CLTC: variants seen among roughly 807,000 people sequenced by gnomAD.
CLTC encodes clathrin heavy chain 1.
CLTC carries 16 observed loss-of-function variants against 195.8 expected under a neutral mutation model. The ratio of observed to expected loss-of-function variants is 0.08; its 90% CI spans 0.06 to 0.12. CLTC has a LOEUF of 0.12. Among genes scored for constraint, CLTC ranks in the 10% least tolerant of loss-of-function variants. The probability of loss-of-function intolerance (pLI) is 1.00; values close to 1 mark genes in which losing one functional copy is unlikely to be tolerated. For synonymous variants in CLTC, 667 were observed against 689.4 expected, an observed-to-expected ratio of 0.97 and a Z score of 0.51; for missense variants, 796 against 2,027.0, an observed-to-expected ratio of 0.39 and a Z score of 11.66.
intron 1 of CLTC, among the ~76,000 whole-genome samples, chr17:59,643,924 A>AG (rs1317889605): frequency 6.6e-6 from 1 of 152,178 alleles, no homozygotes; most frequent in Admixed American, 6.5e-5. Flanking sequence ...CTACATGTTA[A>AG]GGGGGGTGAG....
chr17:59,647,769 T>G (rs1420978525), intron 3 of CLTC, 103 bp downstream of exon 3: 5 of 1,032,484 alleles, frequency 4.8e-6, no homozygotes, highest in Admixed American at 2.4e-5. Flanking sequence ...TCAATCCTGT[T>G]GAATTTCACT....
rs372461487 is a variant in CLTC, at chr17:59,681,399, A to G, written c.3170A>G (p.Asn1057Ser). The change falls in exon 20 of 32, where the codon AAT (asparagine) becomes AGT (serine). Residue 1057 changes from asparagine to serine, a missense_variant. Asn to Ser is a conservative substitution (Grantham distance 46). Transcript: ENST00000269122. The surrounding 1 kb of genome is among the most constrained non-coding windows in gnomAD (Gnocchi z 5.0). The part of the protein sequence containing the change: ...LDNYDAPDIA[N>S]IAISNELFEE... ...AATTATGATGCCCCAGATATTGCCA[A>G]TATCGCCATCAGCAATGAGCTGTTT... is the stretch of plus-strand genomic sequence containing the variant. 8 of 1,614,016 alleles carry G rather than the reference A, an allele frequency of 5.0e-6. No homozygotes were observed. Among genetic ancestry groups the G allele is most frequent in the Non-Finnish European group, 5.1e-6 (6 of 1,180,014 alleles).
At chr17:59,674,946 G>A (rs1439974239) in intron 16 of CLTC, 103 bp downstream of exon 16, 9 of 1,182,608 alleles carry the variant, frequency 7.6e-6, no homozygotes, top group African/African-American at 1.6e-5. Flanking sequence ...AACACATGGA[G>A]AATAATTTCC....
At position 59,680,892 on chromosome 17, in the gene CLTC, G is replaced by A; in HGVS notation, c.2920-20G>A. Reference sequence around the variant, plus strand: ...AACCAACTTGATTCTCAGTACTTATGTCCCATATATCCTCTGTAGGTTGTA... The same window carrying A: ...AACCAACTTGATTCTCAGTACTTATATCCCATATATCCTCTGTAGGTTGTA... On this transcript the variant is annotated intron_variant, in intron 18 of 31. Coordinates refer to ENST00000269122, the MANE Select transcript of CLTC (RefSeq NM_004859.4). 1 of 1,561,944 alleles carries A rather than the reference G, an allele frequency of 6.4e-7. No individual in the cohort carries two copies.
At chr17:59,645,771 CGAG>C (rs2032176621) in intron 2 of CLTC, among the ~76,000 whole-genome samples, 1 of 152,058 alleles carries the variant, frequency 6.6e-6, no homozygotes, top group Non-Finnish European at 1.5e-5. Flanking sequence ...CATCTCATCT[CGAG>C]GAAAAATGGT....
chr17:59,628,401 G>T (rs1401997687), intron 1 of CLTC, among the ~76,000 whole-genome samples: 2 of 152,066 alleles, frequency 1.3e-5, no homozygotes, highest in East Asian at 3.8e-4. Context: ...ACCCCTTACA[G>T]GCACTCGAAT....
intron 31 of CLTC, among the ~76,000 whole-genome samples, chr17:59,693,109 A>G (rs945480692): frequency 3.9e-5 from 6 of 152,168 alleles, no homozygotes; most frequent in Admixed American, 1.3e-4. Context: ...GCTCACACCT[A>G]TAATCCCAGC....
At position 59,694,275 on chromosome 17, in the gene CLTC, C is replaced by G. The variant is rs184869710; in HGVS notation, c.*423C>G. On this transcript the variant is annotated 3_prime_UTR_variant, in exon 32 of 32. Coordinates refer to ENST00000269122, the MANE Select transcript of CLTC (RefSeq NM_004859.4). Reference sequence around the variant, plus strand: ...TAAATGCATTTAAATCTGTTTTATTCAAAGAAAAGCTAAAGCAAAAACACT... The same window carrying G: ...TAAATGCATTTAAATCTGTTTTATTGAAAGAAAAGCTAAAGCAAAAACACT... 4.6e-6 allele frequency: 1 copy of G among 218,774 alleles called. No homozygotes were observed. Among genetic ancestry groups the G allele is most frequent in the Admixed American group, 5.8e-5 (1 of 17,284 alleles). The allele number at this position is 218,774 out of a possible 1,614,324, so 13.6% of individuals were successfully genotyped here.
chr17:59,668,629 T>C (rs943168969), intron 13 of CLTC, 148 bp from the exon 14 acceptor site: 12 of 589,284 alleles, frequency 2.0e-5, no homozygotes, highest in Non-Finnish European at 3.5e-5. Context: ...ATCTGATTAA[T>C]GGAATAGTTA....
chr17:59,690,293 A>C, intron 30 of CLTC: 1 of 189,922 alleles, frequency 5.3e-6, no homozygotes, highest in Non-Finnish European at 1.1e-5. Flanking sequence ...CAGACCATGA[A>C]TTCATTATTA....
chr17:59,670,254 C>A (rs900401973), intron 14 of CLTC, among the ~76,000 whole-genome samples: 3 of 142,490 alleles, frequency 2.1e-5, no homozygotes, highest in Non-Finnish European at 3.1e-5. Context: ...CTACTAGATT[C>A]TTTTGGGGGC....
chr17:59,663,003 A>G (rs949933793), intron 8 of CLTC, among the ~76,000 whole-genome samples: 1 of 152,234 alleles, frequency 6.6e-6, no homozygotes, highest in African/African-American at 2.4e-5. Flanking sequence ...CTTTTTAGGT[A>G]TCATTATCCT....
At chr17:59,654,622 G>GGC (rs2032419165) in intron 5 of CLTC, among the ~76,000 whole-genome samples, 1 of 152,222 alleles carries the variant, frequency 6.6e-6, no homozygotes, top group African/African-American at 2.4e-5. Flanking sequence ...TGGGACTACA[G>GGC]GTGCACACTG....
At position 59,696,613 on chromosome 17, in the gene CLTC, A is replaced by ACAT. The variant is rs2033432916; in HGVS notation, c.*2762_*2764dup. 9.4e-6 allele frequency: 2 copies of ACAT among 213,116 alleles called. No individual in the cohort carries two copies. Among genetic ancestry groups the ACAT allele is most frequent in the Admixed American group, 5.9e-5 (1 of 17,094 alleles). The allele number at this position is 213,116 out of a possible 1,614,324, so 13.2% of individuals were successfully genotyped here. ...CCTCATATTCTGGGTAACTGGTATA[A>ACAT]CATAGTAATTATTAGGATTGTATCA... On this transcript the variant is annotated 3_prime_UTR_variant, in exon 32 of 32. Coordinates refer to ENST00000269122, the MANE Select transcript of CLTC (RefSeq NM_004859.4).
chr17:59,630,734 C>G (rs1286527345), intron 1 of CLTC, among the ~76,000 whole-genome samples: 1 of 152,230 alleles, frequency 6.6e-6, no homozygotes, highest in Non-Finnish European at 1.5e-5. Context: ...TATCAGACTT[C>G]ATTCCTTTAT....
chr17:59,624,892 AT>A (rs2031500583), intron 1 of CLTC, among the ~76,000 whole-genome samples: 1 of 152,192 alleles, frequency 6.6e-6, no homozygotes, highest in Non-Finnish European at 1.5e-5. Flanking sequence ...CTGGTCTCAA[AT>A]TATTGGGCTC....
intron 5 of CLTC, among the ~76,000 whole-genome samples, chr17:59,654,503 C>T (rs73331171): frequency 0.044 from 6,629 of 149,716 alleles, 401 homozygotes; most frequent in African/African-American, 0.14. Context: ...CTTTTAGAGA[C>T]GGAATCTCAC....
chr17:59,673,556 T>C, intron 14 of CLTC, 91 bp from the exon 15 acceptor site: 1 of 933,884 alleles, frequency 1.1e-6, no homozygotes, highest in Non-Finnish European at 1.7e-6. Flanking sequence ...TGAGCCTCTC[T>C]TGTTAGCGTA....
chr17:59,667,001 T>A (rs769253664), intron 13 of CLTC, 24 bp downstream of exon 13: 116 of 1,574,814 alleles, frequency 7.4e-5, no homozygotes, highest in Non-Finnish European at 9.9e-5. Flanking sequence ...TTTGAGTTTT[T>A]AAAAAAAGTA....
Sources: gnomAD v4.1 joint callset for allele counts (sites outside exome capture counted in the v4.1 genomes callset) on GRCh38, gnomAD v4.1.1 for gene constraint, Gnocchi (gnomAD v3.1) non-coding constraint, MANE v1.5 for transcripts, NCBI Gene and HGNC (gene_info 2026-07-23, HGNC 2026-07-21) for gene names.